Variants in ESR2 observed in about 807,000 individuals in gnomAD.
ESR2 encodes estrogen receptor 2, also known as estrogen receptor beta.
A neutral mutation model predicts 49.6 loss-of-function variants in ESR2; 36 were observed. The observed-to-expected ratio is 0.73, with a 90% CI of 0.56 to 0.96. The LOEUF is 0.96. Ranked by LOEUF, ESR2 falls within the 40% of genes least tolerant of loss-of-function variation. The pLI is 0.00. For missense variants in ESR2, 714 were observed against 693.0 expected (o/e 1.03, Z -0.34); for synonymous variants, 320 against 266.1 (o/e 1.20, Z -1.97).
chr14:64,319,686 T>A (rs534432434), intron 1 of ESR2, among the ~76,000 whole-genome samples: 2 of 152,310 alleles, frequency 1.3e-5, no homozygotes, highest in Non-Finnish European at 2.9e-5. Context: ...ATGTTCAACA[T>A]CATATGTCAT....
chr14:64,276,698 G>A (rs2076564710), intron 3 of ESR2, among the ~76,000 whole-genome samples: 1 of 151,866 alleles, frequency 6.6e-6, no homozygotes, highest in African/African-American at 2.4e-5. Context: ...TAATTGATAG[G>A]GCCTTCAATA....
chr14:64,265,323 T>C (rs1039038733), intron 4 of ESR2, among the ~76,000 whole-genome samples: 6 of 152,196 alleles, frequency 3.9e-5, no homozygotes, highest in African/African-American at 1.4e-4. Flanking sequence ...TGGAAGCTTC[T>C]ATGCACCAGG....
rs1013281440 is a variant in ESR2 at position 64,231,233 on chromosome 14, A to G, written c.*1904T>C. On this transcript the variant is annotated 3_prime_UTR_variant, in exon 9 of 9. Transcript: ENST00000341099. ...TTACCTGGTAATCTCTTTTAAAAAT[A>G]CATTTAATAGAATTTCACTGGCAGA... is the stretch of plus-strand genomic sequence containing the variant. 6.6e-6 allele frequency: 1 copy of G among 152,162 alleles called. No homozygotes were observed. The highest frequency in any genetic ancestry group is 2.4e-5 in the African/African-American group (1 of 41,436). The allele number at this position is 152,162 out of a possible 1,614,324, so 9.4% of individuals were successfully genotyped here. A position where few individuals can be genotyped will look rare whatever the true frequency, so the allele number is the denominator to read the frequency against.
chr14:64,244,458 T>C (rs2075807502), intron 7 of ESR2, among the ~76,000 whole-genome samples: 1 of 150,844 alleles, frequency 6.6e-6, no homozygotes, highest in Non-Finnish European at 1.5e-5. Context: ...CCTTAGCCAA[T>C]GTTGGCAGGC....
intron 1 of ESR2, among the ~76,000 whole-genome samples, chr14:64,306,918 T>A (rs1013995822): frequency 2.6e-5 from 4 of 152,184 alleles, no homozygotes; most frequent in African/African-American, 9.6e-5. Context: ...GTTTTCCTTG[T>A]AGGAAGGTTT....
rs991816015 is a variant in ESR2, at chr14:64,230,880, T to C, written c.*2257A>G. 1.4e-4 allele frequency: 20 copies of C among 144,070 alleles called. No individual in the cohort carries two copies. Among genetic ancestry groups the C allele is most frequent in the African/African-American group, 4.8e-4 (19 of 39,176 alleles). The allele number at this position is 144,070 out of a possible 1,614,324, so 8.9% of individuals were successfully genotyped here. ...AAAAAAAAAATTATATATATATATA[T>C]ATATATATTTCGTGGCAATTTTTTT... is the stretch of plus-strand genomic sequence containing the variant. On this transcript the variant is annotated 3_prime_UTR_variant, in exon 9 of 9. Transcript: ENST00000341099.
At chr14:64,297,050 T>C (rs186868129), upstream of ESR2, among the ~76,000 whole-genome samples, 71 of 152,314 alleles carry the variant, frequency 4.7e-4, no homozygotes, top group African/African-American at 1.5e-3. Context: ...TTGAGAACGA[T>C]GCCTGCTATA....
rs1288518208 is a variant in ESR2 at position 64,230,221 on chromosome 14, AAAT to A, written c.*2913_*2915del. On this transcript the variant is annotated 3_prime_UTR_variant, in exon 9 of 9. Coordinates refer to ENST00000341099, the MANE Select transcript of ESR2 (RefSeq NM_001437.3). ...TCAAAAAAAAAAAAAAAAAGGTGTC[AAAT>A]CTTATTAAGTGAGGATACTTTGTTT... Among the ~76,000 whole-genome samples the A allele has an allele frequency of 1.3e-5, 2 of 151,974 alleles. No individual in the cohort carries two copies. The highest frequency in any genetic ancestry group is 3.9e-4 in the East Asian group (2 of 5,192).
At chr14:64,257,406 C>T in intron 5 of ESR2, 42 bp from the exon 6 acceptor site, 1 of 1,609,894 alleles carries the variant, frequency 6.2e-7, no homozygotes, top group Non-Finnish European at 8.5e-7. Flanking sequence ...CACCCCTCCT[C>T]CTCAGCTCCC....
intron 1 of ESR2, among the ~76,000 whole-genome samples, chr14:64,327,681 C>A (rs976729734): frequency 6.6e-6 from 1 of 151,776 alleles, no homozygotes; most frequent in Non-Finnish European, 1.5e-5. Context: ...GGCGACAGAG[C>A]AAGACCCCAC....
At chr14:64,330,578 CAGA>C (rs1321828745) in intron 1 of ESR2, 3 of 152,330 alleles carry the variant, frequency 2.0e-5, no homozygotes, top group Admixed American at 6.5e-5. Context: ...TCTTTGCTTG[CAGA>C]AGGTCAGTCT....
intron 6 of ESR2, 127 bp downstream of exon 6, chr14:64,257,099 T>A (rs1044620153): frequency 2.4e-6 from 2 of 841,612 alleles, no homozygotes; most frequent in Non-Finnish European, 3.9e-6. Flanking sequence ...GTGAAGGAGC[T>A]GATGATGCTA....
Position 64,249,685 on chromosome 14 carries a change from A to G in ESR2, c.1092-6T>C, listed in dbSNP as rs2140679045. 6.2e-6 allele frequency: 10 copies of G among 1,603,640 alleles called. No individual in the cohort carries two copies. The highest frequency in any genetic ancestry group is 7.7e-6 in the Non-Finnish European group (9 of 1,174,340). On this transcript the variant is annotated splice_polypyrimidine_tract_variant and splice_region_variant and intron_variant, in intron 6 of 8. Transcript: ENST00000341099. ...CTACGCATTTCCCCTCATCCCTACA[A>G]AAGTTCGTTTGGAAATTTAAGGAAC...
At chr14:64,291,571 A>G (rs185997550) in intron 1 of ESR2, among the ~76,000 whole-genome samples, 1 of 152,344 alleles carries the variant, frequency 6.6e-6, no homozygotes, top group East Asian at 1.9e-4. Flanking sequence ...GTACCTACCA[A>G]TAACAGGCTC....
chr14:64,284,957 C>A (rs2076759568), intron 1 of ESR2, among the ~76,000 whole-genome samples: 2 of 151,296 alleles, frequency 1.3e-5, no homozygotes, highest in East Asian at 3.9e-4. Flanking sequence ...TCAAGCGATT[C>A]TTCTGCCTCA....
Position 64,260,493 on chromosome 14 carries a change from T to C in ESR2, c.908A>G (p.Asp303Gly). The C allele has an allele frequency of 6.5e-7, 1 of 1,532,048 alleles. No individual in the cohort carries two copies. The highest frequency in any genetic ancestry group is 2.3e-5 in the East Asian group (1 of 44,014). 94.9% of individuals were successfully genotyped at this position (1,532,048 alleles called of 1,614,324 possible). Residue 303 changes from aspartate (D) to glycine (G), a missense_variant, in exon 5 of 9, where the codon GAC becomes GGC. By Grantham distance (94) the Asp-to-Gly change is moderately conservative. Transcript: ENST00000341099. ...GCTGATCATGTGTACCAACTCCTTGTCGGCCAACTTGGTCAGGGACATCAT... is the reference window on the plus strand; with the variant it reads ...GCTGATCATGTGTACCAACTCCTTGCCGGCCAACTTGGTCAGGGACATCAT... ...SMMMSLTKLA[D>G]KELVHMISWA...
Position 64,230,569 on chromosome 14 carries a change from A to G in ESR2, c.*2568T>C, listed in dbSNP as rs984892499. Among the ~76,000 whole-genome samples the G allele has an allele frequency of 4.6e-5, 7 of 152,072 alleles. No individual in the cohort carries two copies. Among genetic ancestry groups the G allele is most frequent in the Admixed American group, 4.6e-4 (7 of 15,270 alleles). On this transcript the variant is annotated 3_prime_UTR_variant, in exon 9 of 9. Coordinates refer to ENST00000341099, the MANE Select transcript of ESR2 (RefSeq NM_001437.3). ...CAGTTGAGTCTTCAGATTTGTGACT[A>G]GGCTGACAGCTTTGTCTTGTGTTCC...
downstream of ESR2, chr14:64,227,691 C>T (rs901400827): frequency 5.0e-6 from 8 of 1,604,380 alleles, no homozygotes; most frequent in Admixed American, 1.2e-4. Flanking sequence ...TAATATTGTG[C>T]ATGTCAATTT....
chr14:64,256,838 GA>G (rs1432462724), intron 6 of ESR2, among the ~76,000 whole-genome samples: 2 of 152,116 alleles, frequency 1.3e-5, no homozygotes, highest in African/African-American at 4.8e-5. Context: ...CACCTGTCCA[GA>G]AAGCTCCAGA....
Sources: allele counts gnomAD v4.1 joint callset (sites outside exome capture counted in the v4.1 genomes callset), GRCh38; gene constraint gnomAD v4.1.1; transcripts MANE v1.5; gene names NCBI Gene and HGNC (gene_info 2026-07-23, HGNC 2026-07-21).